Variants in CDKAL1 observed in about 807,000 individuals in gnomAD.
CDKAL1 encodes CDKAL1 threonylcarbamoyladenosine tRNA methylthiotransferase.
A neutral mutation model predicts 68.2 loss-of-function variants in CDKAL1; 32 were observed. The ratio of observed to expected loss-of-function variants is 0.47; its 90% CI spans 0.35 to 0.63. The LOEUF is 0.63. CDKAL1 is among the 30% of genes least tolerant of loss of function. CDKAL1 has a pLI of 0.00. For synonymous variants in CDKAL1, 234 were observed against 244.3 expected, an observed-to-expected ratio of 0.96 and a Z score of 0.39; for missense variants, 606 against 696.7, an observed-to-expected ratio of 0.87 and a Z score of 1.47.
chr6:20,795,897 G>A (rs1332107999), intron 8 of CDKAL1, among the ~76,000 whole-genome samples: 1 of 152,152 alleles, frequency 6.6e-6, no homozygotes, highest in African/African-American at 2.4e-5. Context: ...AAAGAGATTG[G>A]AACTAGTAGA....
Position 20,753,953 on chromosome 6 carries a change from C to CTGTGTGTGTGTGTG in CDKAL1, c.469-4639_469-4638insGTGTGTGTGTGTGT, listed in dbSNP as rs1256988409. ...CATTTTCACCAACACTCGTTATTAT[C>CTGTGTGTGTGTGTG]TGTATGTGTGTGTGTGTGTGTGTGT... On this transcript the variant is annotated intron_variant, in intron 6 of 15. Coordinates refer to ENST00000274695, the MANE Select transcript of CDKAL1 (RefSeq NM_017774.3). Among the ~76,000 whole-genome samples the CTGTGTGTGTGTGTG allele has an allele frequency of 1.1e-4, 13 of 113,854 alleles. No homozygotes were observed. The East Asian group carries it at 1.4e-3, about 12-fold the overall frequency. 74.7% of individuals were successfully genotyped at this position (113,854 alleles called of 152,430 possible). A position where few individuals can be genotyped will look rare whatever the true frequency, so the allele number is the denominator to read the frequency against.
At chr6:21,069,772 TTC>T (rs1274651538) in intron 12 of CDKAL1, among the ~76,000 whole-genome samples, 2,354 of 77,034 alleles carry the variant, frequency 0.031, 164 homozygotes, top group East Asian at 0.14. Context: ...CAGATTTTCT[TTC>T]TTTTTTTTTT....
At chr6:20,834,428 C>T (rs996231430) in intron 8 of CDKAL1, among the ~76,000 whole-genome samples, 3 of 152,154 alleles carry the variant, frequency 2.0e-5, no homozygotes, top group African/African-American at 7.2e-5. Flanking sequence ...AATCTCATCT[C>T]CTATGGAATT....
At chr6:20,585,319 T>G (rs989869499) in intron 4 of CDKAL1, among the ~76,000 whole-genome samples, 2 of 152,218 alleles carry the variant, frequency 1.3e-5, no homozygotes, top group Non-Finnish European at 2.9e-5. Context: ...CCCAAAGTGC[T>G]GGGATTACAG....
intron 15 of CDKAL1, among the ~76,000 whole-genome samples, chr6:21,203,318 C>T (rs1055084846): frequency 6.8e-6 from 1 of 146,586 alleles, no homozygotes; most frequent in Non-Finnish European, 1.5e-5. Context: ...CTCACTGCAG[C>T]CTCCACCCCC....
At chr6:20,843,837 C>T (rs990748058) in intron 8 of CDKAL1, among the ~76,000 whole-genome samples, 2 of 152,068 alleles carry the variant, frequency 1.3e-5, no homozygotes, top group African/African-American at 4.8e-5. Context: ...AAAGGGATCA[C>T]AAGAAATGAG....
chr6:20,942,006 T>C (rs372854860), intron 9 of CDKAL1, among the ~76,000 whole-genome samples: 1 of 152,214 alleles, frequency 6.6e-6, no homozygotes, highest in African/African-American at 2.4e-5. Context: ...TAGCCTCTCA[T>C]AGCAGAATTT....
At chr6:20,815,673 T>A (rs1030172714) in intron 8 of CDKAL1, among the ~76,000 whole-genome samples, 1 of 152,128 alleles carries the variant, frequency 6.6e-6, no homozygotes, top group South Asian at 2.1e-4. Flanking sequence ...AGTAAACATG[T>A]TCATTAAAAA....
chr6:20,795,292 G>A (rs1023703914), intron 8 of CDKAL1, among the ~76,000 whole-genome samples: 1 of 152,038 alleles, frequency 6.6e-6, no homozygotes, highest in African/African-American at 2.4e-5. Context: ...AGTCTCTTTT[G>A]CTGTTTCTTG....
intron 7 of CDKAL1, among the ~76,000 whole-genome samples, chr6:20,760,632 G>A (rs372823363): frequency 6.6e-6 from 1 of 152,136 alleles, no homozygotes; most frequent in Non-Finnish European, 1.5e-5. Flanking sequence ...TGATTTATAC[G>A]ATACTGTTAT....
intron 9 of CDKAL1, among the ~76,000 whole-genome samples, chr6:20,902,945 C>T (rs1416644085): frequency 6.6e-6 from 1 of 152,098 alleles, no homozygotes; most frequent in African/African-American, 2.4e-5. Context: ...AGTCATTTTT[C>T]TGTCTTCTAC....
intron 9 of CDKAL1, among the ~76,000 whole-genome samples, chr6:20,924,889 G>T (rs1318121922): frequency 6.6e-6 from 1 of 152,158 alleles, no homozygotes; most frequent in Non-Finnish European, 1.5e-5. Flanking sequence ...ATGCCATCTC[G>T]GACTTTTGTT....
intron 13 of CDKAL1, among the ~76,000 whole-genome samples, chr6:21,181,186 T>C (rs1777775826): frequency 6.6e-6 from 1 of 152,232 alleles, no homozygotes; most frequent in Non-Finnish European, 1.5e-5. Context: ...ACTTTAATCC[T>C]TCACAGGGTG....
intron 9 of CDKAL1, among the ~76,000 whole-genome samples, chr6:20,868,072 T>C (rs538751055): frequency 6.6e-6 from 1 of 152,118 alleles, no homozygotes; most frequent in South Asian, 2.1e-4. Context: ...ACAAATCTTA[T>C]ATTGCGGTTT....
At chr6:20,655,335 T>A (rs554826227) in intron 5 of CDKAL1, among the ~76,000 whole-genome samples, 18 of 152,290 alleles carry the variant, frequency 1.2e-4, no homozygotes, top group African/African-American at 4.1e-4. Context: ...ACAGAGTGGT[T>A]GTAGTCCAGG....
chr6:20,752,934 C>T (rs1033020645), intron 6 of CDKAL1, among the ~76,000 whole-genome samples: 4 of 152,202 alleles, frequency 2.6e-5, no homozygotes, highest in South Asian at 2.1e-4. Context: ...CTCAGTTTTT[C>T]GTTGACTTTC....
At chr6:20,848,720 T>C (rs1414892330) in intron 9 of CDKAL1, among the ~76,000 whole-genome samples, 1 of 152,180 alleles carries the variant, frequency 6.6e-6, no homozygotes. Flanking sequence ...TGCTAGTTTT[T>C]GGACTGGTGA....
chr6:20,701,158 C>T (rs1771335871), intron 5 of CDKAL1, among the ~76,000 whole-genome samples: 1 of 151,970 alleles, frequency 6.6e-6, no homozygotes, highest in Non-Finnish European at 1.5e-5. Flanking sequence ...CGGCTAGCAG[C>T]TTCCATCCCC....
At chr6:20,690,972 A>G (rs1770844587) in intron 5 of CDKAL1, among the ~76,000 whole-genome samples, 1 of 152,212 alleles carries the variant, frequency 6.6e-6, no homozygotes, top group Non-Finnish European at 1.5e-5. Context: ...GGTGGTGAAT[A>G]TACTTTTAAA....
Sources: allele counts gnomAD v4.1 joint callset (sites outside exome capture counted in the v4.1 genomes callset), GRCh38; gene constraint gnomAD v4.1.1; transcripts MANE v1.5; gene names NCBI Gene and HGNC (gene_info 2026-07-23, HGNC 2026-07-21).